The following CC2D1A variants were observed in gnomAD, a reference collection of about 807,000 sequenced individuals.
The protein encoded by CC2D1A is coiled-coil and C2 domain containing 1A.
CC2D1A carries 68 observed loss-of-function variants against 123.8 expected under a neutral mutation model. The observed-to-expected ratio is 0.55, with a 90% CI of 0.45 to 0.67. The LOEUF (loss-of-function observed/expected upper bound fraction) is 0.67. Ranked by LOEUF, CC2D1A falls within the 30% of genes least tolerant of loss-of-function variation. The probability of loss-of-function intolerance (pLI) is 0.00; values close to 1 mark genes in which losing one functional copy is unlikely to be tolerated. For missense variants in CC2D1A, 1,185 were observed against 1,290.3 expected, an observed-to-expected ratio of 0.92 and a Z score of 1.25; for synonymous variants, 477 against 528.0, an observed-to-expected ratio of 0.90 and a Z score of 1.32.
At chr19:13,916,600 G>A (rs1201506242) in intron 6 of CC2D1A, among the ~76,000 whole-genome samples, 2 of 152,054 alleles carry the variant, frequency 1.3e-5, no homozygotes, top group Non-Finnish European at 2.9e-5. Context: ...ATGTATTTAC[G>A]TTTTGCTCAA....
At chr19:13,909,996 C>T (rs1970941361) in intron 2 of CC2D1A, 38 bp downstream of exon 2, 1 of 1,496,502 alleles carries the variant, frequency 6.7e-7, no homozygotes, top group African/African-American at 1.4e-5. Flanking sequence ...ATTTTCTGAT[C>T]TCCTGCAAGT....
Position 13,930,142 on chromosome 19 carries a change from C to T in CC2D1A, c.2775C>T (p.Asn925=), listed in dbSNP as rs762088726. The change falls in exon 27 of 29, where the codon AAC becomes AAT. Residue 925 remains asparagine (N), a synonymous_variant. Coordinates refer to ENST00000318003, the MANE Select transcript of CC2D1A (RefSeq NM_017721.5). This position sits in a 1 kb window ranked among gnomAD's most constrained non-coding sequence, Gnocchi z 6.8. ...CGGAGGCTGCCCGGCGCCTGGGCAA[C>T]GATGGCAGCAGGGTGAGCTGGTCGC... The part of the protein sequence containing the change: ...FYTEAARRLG[N]DGSRDAAKEA... 1.8e-5 allele frequency: 29 copies of T among 1,612,716 alleles called. No individual in the cohort carries two copies. The Admixed American group carries it at 2.0e-4, about 11-fold the overall frequency.
rs894061537 is a variant in CC2D1A at position 13,930,299 on chromosome 19, T to C, written c.2835+10T>C. 6.2e-7 allele frequency: 1 copy of C among 1,613,698 alleles called. No individual in the cohort carries two copies. The highest frequency in any genetic ancestry group is 1.3e-5 in the African/African-American group (1 of 74,860). ...TCTGGTAGAGAGTGAGGTAAGCAGC[T>C]TAGGAGATGGGGTGGTTGGGGGATC... On this transcript the variant is annotated intron_variant, in intron 28 of 28. Transcript: ENST00000318003. This position sits in a 1 kb window ranked among gnomAD's most constrained non-coding sequence, Gnocchi z 6.8.
chr19:13,906,513 C>T lies in CC2D1A; in HGVS notation c.60+12C>T, dbSNP rs775348477. On this transcript the variant is annotated intron_variant, in intron 1 of 28. Transcript: ENST00000318003. This position sits in a 1 kb window ranked among gnomAD's most constrained non-coding sequence, Gnocchi z 4.1. ...CGGCCGCCCGCCAGGTGAGTTTGCG[C>T]CCCACGGCCCGACCTGGGGATCCCT... is the stretch of plus-strand genomic sequence containing the variant. 2 of 1,474,538 alleles carry T rather than the reference C, an allele frequency of 1.4e-6. No individual in the cohort carries two copies. The highest frequency in any genetic ancestry group is 1.8e-6 in the Non-Finnish European group (2 of 1,116,280). 91.3% of individuals were successfully genotyped at this position (1,474,538 alleles called of 1,614,324 possible).
chr19:13,918,566 C>T lies in CC2D1A; in HGVS notation c.936C>T (p.Pro312=), dbSNP rs566528989. ...AGCCCGTGGACCTCTCCTGCCTGCC[C>T]CCTCCACCCGGTGAGAACCCTGCCA... The part of the protein sequence containing the change: ...RGEPVDLSCL[P]PPPDQLPPDP... Residue 312 remains proline, a synonymous_variant, in exon 8 of 29, where the codon CCC becomes CCT. Coordinates refer to ENST00000318003, the MANE Select transcript of CC2D1A (RefSeq NM_017721.5). 6.2e-7 allele frequency: 1 copy of T among 1,613,562 alleles called. No homozygotes were observed. The highest frequency in any genetic ancestry group is 1.1e-5 in the South Asian group (1 of 91,070).
chr19:13,927,447 C>T, intron 22 of CC2D1A, 182 bp downstream of exon 22: 1 of 601,582 alleles, frequency 1.7e-6, no homozygotes, highest in Admixed American at 2.8e-5. Context: ...CCATTATGAT[C>T]AACTGGTATC....
At chr19:13,920,502 C>T (rs1971371229) in intron 12 of CC2D1A, 55 bp from the exon 13 acceptor site, 1 of 1,039,452 alleles carries the variant, frequency 9.6e-7, no homozygotes, top group Non-Finnish European at 1.5e-6. Context: ...TCCTTGGGGA[C>T]TGGACTCATC....
Position 13,923,445 on chromosome 19 carries a change from A to G in CC2D1A, c.1754A>G (p.Gln585Arg). The G allele has an allele frequency of 6.2e-7, 1 of 1,614,116 alleles. No individual in the cohort carries two copies. Among genetic ancestry groups the G allele is most frequent in the Non-Finnish European group, 8.5e-7 (1 of 1,180,014 alleles). ...GGTGAACTCACCAAGCTCATACGGC[A>G]GCAGCACGAGGTGAGGGGGAGGCCC... ...RYGELTKLIRQQHEMCLNHSN... is the reference protein window; with the variant it reads ...RYGELTKLIRRQHEMCLNHSN... Residue 585 changes from glutamine to arginine, a missense_variant, in exon 15 of 29, where the codon CAG becomes CGG. By Grantham distance (43) the Gln-to-Arg change is conservative. Coordinates refer to ENST00000318003, the MANE Select transcript of CC2D1A (RefSeq NM_017721.5). This position sits in a 1 kb window ranked among gnomAD's most constrained non-coding sequence, Gnocchi z 5.3.
chr19:13,910,170 A>G (rs1297356169), intron 2 of CC2D1A, among the ~76,000 whole-genome samples: 22 of 150,704 alleles, frequency 1.5e-4, no homozygotes, highest in Admixed American at 1.1e-3. Flanking sequence ...AGGCCGAGGC[A>G]GGCAGATCAT....
intron 6 of CC2D1A, among the ~76,000 whole-genome samples, chr19:13,915,108 T>TTGTCAACTGAAAC (rs1971159038): frequency 6.6e-6 from 1 of 152,236 alleles, no homozygotes; most frequent in African/African-American, 2.4e-5. Flanking sequence ...TCACCTGAAA[T>TTGTCAACTGAAAC]TGTCAACTGA....
intron 6 of CC2D1A, among the ~76,000 whole-genome samples, chr19:13,914,227 G>A (rs886835674): frequency 1.3e-5 from 2 of 152,064 alleles, no homozygotes; most frequent in African/African-American, 2.4e-5. Flanking sequence ...AGGCTGGAGT[G>A]CAGTGATGTG....
intron 1 of CC2D1A, among the ~76,000 whole-genome samples, chr19:13,909,134 A>T (rs886659899): frequency 6.6e-6 from 1 of 151,918 alleles, no homozygotes; most frequent in Non-Finnish European, 1.5e-5. Flanking sequence ...GCACTTTGGG[A>T]GGCCGAGGCG....
chr19:13,913,579 G>A lies in CC2D1A; in HGVS notation c.689G>A (p.Gly230Glu), dbSNP rs765864637. The A allele has an allele frequency of 6.2e-7, 1 of 1,613,892 alleles. No individual in the cohort carries two copies. The highest frequency in any genetic ancestry group is 8.5e-7 in the Non-Finnish European group (1 of 1,179,918). The change falls in exon 6 of 29, where the codon GGA (glycine) becomes GAA (glutamate). Residue 230 changes from glycine (G) to glutamate (E), a missense_variant. Transcript: ENST00000318003. The part of the protein sequence containing the change: ...SAPEPRVTLE[G>E]PSATAPASSP... ...CCAGAGCCCAGGGTCACCCTGGAGG[G>A]ACCTTCTGCCACCGCCCCAGCCTCA...
At chr19:13,921,860 T>C (rs1196286550) in intron 14 of CC2D1A, among the ~76,000 whole-genome samples, 1 of 152,138 alleles carries the variant, frequency 6.6e-6, no homozygotes, top group East Asian at 1.9e-4. Flanking sequence ...GGAAACACAG[T>C]GAGACTCACT....
chr19:13,919,748 T>A lies in CC2D1A; in HGVS notation c.1223-70T>A. 7 of 1,468,310 alleles carry A rather than the reference T, an allele frequency of 4.8e-6. No individual in the cohort carries two copies. The South Asian group carries it at 1.0e-4, about 22-fold the overall frequency. The allele number at this position is 1,468,310 out of a possible 1,614,324, so 91.0% of individuals were successfully genotyped here. A position where few individuals can be genotyped will look rare whatever the true frequency, so the allele number is the denominator to read the frequency against. ...TCTATAGGTGGGAGAGGAATCTGCA[T>A]CTCCACCATAATGGTGTGAGTTGGT... On this transcript the variant is annotated intron_variant, in intron 11 of 28. Transcript: ENST00000318003.
At chr19:13,929,697 G>C (rs760355261) in intron 26 of CC2D1A, 37 bp downstream of exon 26, 1 of 1,266,634 alleles carries the variant, frequency 7.9e-7, no homozygotes, top group Non-Finnish European at 1.1e-6. Context: ...TGGGGGAGGA[G>C]CTCCAGGATA....
chr19:13,926,014 ACG>A (rs1568418824), intron 17 of CC2D1A, among the ~76,000 whole-genome samples: 2,668 of 126,280 alleles, frequency 0.021, 184 homozygotes, highest in African/African-American at 0.082. Context: ...ATATATATAT[ACG>A]TATATATATG....
In CC2D1A at chr19:13,913,307, G is replaced by A; in HGVS notation, c.513+5G>A. The A allele has an allele frequency of 1.2e-6, 2 of 1,602,580 alleles. No individual in the cohort carries two copies. Among genetic ancestry groups the A allele is most frequent in the Non-Finnish European group, 1.7e-6 (2 of 1,170,984 alleles). On this transcript the variant is annotated splice_donor_5th_base_variant and intron_variant, in intron 5 of 28. Coordinates refer to ENST00000318003, the MANE Select transcript of CC2D1A (RefSeq NM_017721.5). ...CGCTACGATCGGGGGCTTAAAGTAAGTGGGCAGAGGGCAGGGTACAGGGAC... is the reference window on the plus strand; with the variant it reads ...CGCTACGATCGGGGGCTTAAAGTAAATGGGCAGAGGGCAGGGTACAGGGAC...
Position 13,913,230 on chromosome 19 carries a change from T to C in CC2D1A, c.441T>C (p.Tyr147=). 1.9e-6 allele frequency: 3 copies of C among 1,613,466 alleles called. No individual in the cohort carries two copies. The highest frequency in any genetic ancestry group is 2.5e-6 in the Non-Finnish European group (3 of 1,179,886). ...CCTTGCAGGAGAGGCTGGCGCTCTATCAGACAGCAATTGAAAGCGCCAGAC... is the reference window on the plus strand; with the variant it reads ...CCTTGCAGGAGAGGCTGGCGCTCTACCAGACAGCAATTGAAAGCGCCAGAC... ...ETTLQERLAL[Y]QTAIESARQA... The change falls in exon 5 of 29, where the codon TAT becomes TAC. Residue 147 remains tyrosine, a synonymous_variant. Coordinates refer to ENST00000318003, the MANE Select transcript of CC2D1A (RefSeq NM_017721.5).
Sources: allele counts gnomAD v4.1 joint callset (sites outside exome capture counted in the v4.1 genomes callset), GRCh38; gene constraint gnomAD v4.1.1; non-coding constraint Gnocchi (gnomAD v3.1); transcripts MANE v1.5; gene names NCBI Gene and HGNC (gene_info 2026-07-23, HGNC 2026-07-21).